The following SLC24A2 variants were observed in gnomAD, a reference collection of about 807,000 sequenced individuals.
SLC24A2 encodes sodium/potassium/calcium exchanger 2.
In SLC24A2, 36 loss-of-function variants were observed where a neutral mutation model predicts 62.0. The ratio of observed to expected loss-of-function variants is 0.58; its 90% CI spans 0.44 to 0.77. SLC24A2 has a LOEUF of 0.77. SLC24A2 is among the 30% of genes least tolerant of loss of function. The pLI is 0.00. For missense variants in SLC24A2, 846 were observed against 817.9 expected (o/e 1.03, Z -0.42); for synonymous variants, 358 against 294.0 (o/e 1.22, Z -2.23).
chr9:19,764,242 G>C, intron 2 of SLC24A2, among the ~76,000 whole-genome samples: 1 of 152,050 alleles, frequency 6.6e-6, no homozygotes, highest in East Asian at 1.9e-4. Context: ...TATCTACTTT[G>C]TTAATCTTTG....
At chr9:19,708,637 C>T (rs1007147318) in intron 2 of SLC24A2, among the ~76,000 whole-genome samples, 4 of 152,100 alleles carry the variant, frequency 2.6e-5, no homozygotes, top group Admixed American at 6.5e-5. Context: ...ACAAACCTGA[C>T]AAAAACAAGC....
At chr9:20,251,249 C>G in the SLC24A2 span, among the ~76,000 whole-genome samples, 1 of 152,186 alleles carries the variant, frequency 6.6e-6, no homozygotes, top group Admixed American at 6.5e-5. Context: ...TTAGGTGTTT[C>G]CTCTCAGCAA....
the SLC24A2 span, among the ~76,000 whole-genome samples, chr9:20,227,151 T>C: frequency 3.3e-5 from 5 of 152,140 alleles, no homozygotes; most frequent in East Asian, 1.9e-4. Flanking sequence ...TTTTTGAAAA[T>C]GGTCAGATTT....
intron 6 of SLC24A2, among the ~76,000 whole-genome samples, chr9:19,575,602 G>A (rs1344952509): frequency 2.0e-5 from 3 of 152,208 alleles, no homozygotes; most frequent in African/African-American, 7.2e-5. Context: ...AAGTCATTCA[G>A]AGACCCAATA....
the SLC24A2 span, among the ~76,000 whole-genome samples, chr9:20,307,547 G>A: frequency 6.6e-6 from 1 of 152,154 alleles, no homozygotes; most frequent in African/African-American, 2.4e-5. Flanking sequence ...CAAATTGTAG[G>A]CATTGTGAGA....
intron 2 of SLC24A2, among the ~76,000 whole-genome samples, chr9:19,670,759 G>A (rs1398047295): frequency 6.6e-6 from 1 of 152,156 alleles, no homozygotes; most frequent in Non-Finnish European, 1.5e-5. Context: ...TCAGGGTAAG[G>A]ATAATTGTTC....
the SLC24A2 span, among the ~76,000 whole-genome samples, chr9:19,983,846 T>C: frequency 9.9e-5 from 15 of 152,076 alleles, no homozygotes; most frequent in African/African-American, 3.1e-4. Context: ...CAACAAAACA[T>C]TGCTGAAATA....
At chr9:19,965,217 C>T in the SLC24A2 span, among the ~76,000 whole-genome samples, 1 of 152,048 alleles carries the variant, frequency 6.6e-6, no homozygotes, top group East Asian at 1.9e-4. Context: ...TGAATCATTA[C>T]CCCAGCACTG....
chr9:19,890,150 C>T, the SLC24A2 span, among the ~76,000 whole-genome samples: 1 of 152,176 alleles, frequency 6.6e-6, no homozygotes, highest in East Asian at 1.9e-4. Context: ...CAGTTTAAAC[C>T]TAAATATCTG....
the SLC24A2 span, among the ~76,000 whole-genome samples, chr9:19,921,308 G>A: frequency 6.6e-6 from 1 of 151,988 alleles, no homozygotes; most frequent in African/African-American, 2.4e-5. Flanking sequence ...CGGATCATGA[G>A]GTCAGGAGAT....
intron 5 of SLC24A2, among the ~76,000 whole-genome samples, chr9:19,586,547 A>T (rs1223782867): frequency 6.6e-6 from 1 of 152,092 alleles, no homozygotes; most frequent in African/African-American, 2.4e-5. Context: ...AAGTTTCCAA[A>T]GACTAATAGT....
At chr9:19,836,182 C>T in the SLC24A2 span, among the ~76,000 whole-genome samples, 2 of 152,018 alleles carry the variant, frequency 1.3e-5, no homozygotes, top group Non-Finnish European at 2.9e-5. Flanking sequence ...GAAGCAAGAG[C>T]AAACACATTT....
intron 4 of SLC24A2, 99 bp downstream of exon 4, chr9:19,619,485 A>C: frequency 1.1e-6 from 1 of 923,956 alleles, no homozygotes; most frequent in Non-Finnish European, 1.8e-6. Flanking sequence ...GGAGGCTGGC[A>C]GGCGTGCATG....
the SLC24A2 span, among the ~76,000 whole-genome samples, chr9:20,274,988 C>A: frequency 4.7e-4 from 72 of 152,216 alleles, no homozygotes; most frequent in African/African-American, 1.4e-3. Context: ...CTCAGTCAGA[C>A]CCTAGATGAC....
At chr9:20,202,173 A>G in the SLC24A2 span, among the ~76,000 whole-genome samples, 1 of 152,028 alleles carries the variant, frequency 6.6e-6, no homozygotes, top group Non-Finnish European at 1.5e-5. Context: ...AAGAAGTGCT[A>G]CTAGCAGCAG....
At chr9:19,660,264 C>A (rs1053207557) in intron 2 of SLC24A2, among the ~76,000 whole-genome samples, 3 of 152,130 alleles carry the variant, frequency 2.0e-5, no homozygotes, top group African/African-American at 7.2e-5. Flanking sequence ...AGAAGTGACT[C>A]ATTCATATAA....
chr9:20,292,940 G>T, the SLC24A2 span, among the ~76,000 whole-genome samples: 1 of 152,210 alleles, frequency 6.6e-6, no homozygotes, highest in Admixed American at 6.5e-5. Context: ...GGGATCAGCA[G>T]GGCCAGGCCT....
At chr9:19,927,099 G>A in the SLC24A2 span, 7 of 152,300 alleles carry the variant, frequency 4.6e-5, no homozygotes, top group African/African-American at 9.6e-5. Flanking sequence ...AGCAGCAGAA[G>A]AGGACAGAGT....
the SLC24A2 span, among the ~76,000 whole-genome samples, chr9:20,141,638 C>G: frequency 1.3e-5 from 2 of 151,632 alleles, no homozygotes; most frequent in Admixed American, 1.3e-4. Context: ...CACCACACAC[C>G]CTTTCTAAGA....
Sources: allele counts gnomAD v4.1 joint callset (sites outside exome capture counted in the v4.1 genomes callset), GRCh38; gene constraint gnomAD v4.1.1; transcripts MANE v1.5; gene names NCBI Gene and HGNC (gene_info 2026-07-23, HGNC 2026-07-21).